Variants in DTD1 observed in about 807,000 individuals in gnomAD.
DTD1 encodes the protein D-tyrosyl-tRNA deacylase 1 homolog.
A neutral mutation model predicts 25.6 loss-of-function variants in DTD1; 13 were observed. The ratio of observed to expected loss-of-function variants is 0.51; its 90% confidence interval spans 0.33 to 0.81. The LOEUF (loss-of-function observed/expected upper bound fraction) is 0.81, where lower values mean the gene tolerates loss of function less well. Among genes scored for constraint, DTD1 ranks in the 30% least tolerant of loss-of-function variants. The probability of loss-of-function intolerance (pLI) is 0.02; values close to 1 mark genes in which losing one functional copy is unlikely to be tolerated. For synonymous variants in DTD1, 110 were observed against 103.6 expected (o/e 1.06, Z -0.37); for missense variants, 193 against 266.4 (o/e 0.72, Z 1.92).
In DTD1 at chr20:18,622,942, A is replaced by ATTTTTTTTTT. The variant is rs771564529; in HGVS notation, c.371-5182_371-5173dup. ...ACTTATTAGAAGACAATTTTATAGA[A>ATTTTTTTTTT]TTTTTTTTTTTTGTCTGAGATGGAG... On this transcript the variant is annotated intron_variant, in intron 3 of 5. Coordinates refer to ENST00000377452, the MANE Select transcript of DTD1 (RefSeq NM_080820.6). Among the ~76,000 whole-genome samples the ATTTTTTTTTT allele has an allele frequency of 2.0e-3, 263 of 129,770 alleles. 11 individuals carry two copies. The highest frequency in any genetic ancestry group is 6.8e-3 in the African/African-American group (239 of 35,062). 85.1% of individuals were successfully genotyped at this position (129,770 alleles called of 152,430 possible).
chr20:18,669,805 A>T (rs1270187982), intron 4 of DTD1, among the ~76,000 whole-genome samples: 2 of 152,070 alleles, frequency 1.3e-5, no homozygotes, highest in Non-Finnish European at 2.9e-5. Context: ...TGTCTTGCAT[A>T]CCGTGGCCTG....
At chr20:18,737,846 C>T (rs1032459812) in intron 4 of DTD1, among the ~76,000 whole-genome samples, 1 of 152,204 alleles carries the variant, frequency 6.6e-6, no homozygotes, top group Admixed American at 6.5e-5. Context: ...GGAGCTGGAC[C>T]AAGGTTAGGA....
At chr20:18,742,127 T>C (rs915700203) in intron 4 of DTD1, among the ~76,000 whole-genome samples, 4 of 152,090 alleles carry the variant, frequency 2.6e-5, no homozygotes, top group Non-Finnish European at 5.9e-5. Flanking sequence ...CCTCCTAATG[T>C]TGATGGACAT....
chr20:18,665,389 C>T (rs1412253029), intron 4 of DTD1, among the ~76,000 whole-genome samples: 1 of 152,216 alleles, frequency 6.6e-6, no homozygotes, highest in South Asian at 2.1e-4. Context: ...GGATCAGCCC[C>T]GGCTCTGGGG....
At chr20:18,650,191 T>A (rs1261272482) in intron 4 of DTD1, among the ~76,000 whole-genome samples, 1 of 152,216 alleles carries the variant, frequency 6.6e-6, no homozygotes, top group Non-Finnish European at 1.5e-5. Context: ...ACTGCACCAC[T>A]GAACTCCAGT....
At chr20:18,613,647 C>T (rs975043104) in intron 3 of DTD1, among the ~76,000 whole-genome samples, 21 of 152,212 alleles carry the variant, frequency 1.4e-4, no homozygotes, top group African/African-American at 2.4e-4. Context: ...TGTATATGAG[C>T]GATTCTCCTT....
intron 3 of DTD1, among the ~76,000 whole-genome samples, chr20:18,616,029 C>G (rs1000621340): frequency 1.3e-5 from 2 of 152,136 alleles, no homozygotes; most frequent in Non-Finnish European, 2.9e-5. Context: ...GAAGCCTGTT[C>G]TATATACTTT....
Position 18,631,701 on chromosome 20 carries a change from C to T in DTD1, c.477+3468C>T, listed in dbSNP as rs567843160. Reference sequence around the variant, plus strand: ...ATGGCTGGAGCCTTGTTTCCCAGGACGTCATTCTCTCTGGGTTTTTGTCTT... The same window carrying T: ...ATGGCTGGAGCCTTGTTTCCCAGGATGTCATTCTCTCTGGGTTTTTGTCTT... On this transcript the variant is annotated intron_variant, in intron 4 of 5. Transcript: ENST00000377452. 244 of 985,372 alleles carry T rather than the reference C, an allele frequency of 2.5e-4. No homozygotes were observed. In the African/African-American group the frequency reaches 2.9e-3, roughly 12 times the overall value. 61.0% of individuals were successfully genotyped at this position (985,372 alleles called of 1,614,324 possible).
chr20:18,713,996 C>T (rs2061170090), intron 4 of DTD1, among the ~76,000 whole-genome samples: 1 of 152,144 alleles, frequency 6.6e-6, no homozygotes, highest in Non-Finnish European at 1.5e-5. Flanking sequence ...CTCCAGCCTG[C>T]ACTCCACCGT....
chr20:18,713,195 A>T (rs1436294078), intron 4 of DTD1, among the ~76,000 whole-genome samples: 1 of 152,192 alleles, frequency 6.6e-6, no homozygotes, highest in African/African-American at 2.4e-5. Flanking sequence ...CTCCTCTGCC[A>T]ATTGTTCTTT....
At chr20:18,667,037 G>A (rs900219444) in intron 4 of DTD1, among the ~76,000 whole-genome samples, 1 of 152,150 alleles carries the variant, frequency 6.6e-6, no homozygotes, top group Non-Finnish European at 1.5e-5. Flanking sequence ...GCAGTATGAG[G>A]CACTTGTGAT....
intron 4 of DTD1, among the ~76,000 whole-genome samples, chr20:18,665,154 T>A (rs1293038541): frequency 6.6e-6 from 1 of 152,254 alleles, no homozygotes; most frequent in African/African-American, 2.4e-5. Flanking sequence ...CTCCCAATCT[T>A]TTTATCAGTA....
At chr20:18,723,658 T>A (rs1372956041) in intron 4 of DTD1, among the ~76,000 whole-genome samples, 2 of 152,234 alleles carry the variant, frequency 1.3e-5, no homozygotes, top group African/African-American at 4.8e-5. Context: ...TATAATAGTC[T>A]GTTTGAGAAT....
At chr20:18,705,612 C>A (rs917425637) in intron 4 of DTD1, among the ~76,000 whole-genome samples, 15 of 152,034 alleles carry the variant, frequency 9.9e-5, no homozygotes, top group African/African-American at 3.1e-4. Context: ...TGAGCCCTTT[C>A]ATCACATGAT....
chr20:18,724,182 C>G lies in DTD1; in HGVS notation c.478-19918C>G, dbSNP rs189042621. 2.6e-4 allele frequency among the ~76,000 whole-genome samples: 39 copies of G among 152,294 alleles called. No individual in the cohort carries two copies. The East Asian group carries it at 6.4e-3, about 25-fold the overall frequency. On this transcript the variant is annotated intron_variant, in intron 4 of 5. Transcript: ENST00000377452. ...CAGCAAGAGGAAAGCCCCATGAGCT[C>G]TGTGATGGTTTAGACTGGAGCCCGT...
intron 4 of DTD1, among the ~76,000 whole-genome samples, chr20:18,635,981 C>T (rs962999791): frequency 5.3e-5 from 8 of 152,166 alleles, no homozygotes; most frequent in Non-Finnish European, 1.0e-4. Flanking sequence ...ACACATAAGA[C>T]ATTTCTAATC....
chr20:18,660,063 C>T (rs2060903778), intron 4 of DTD1, among the ~76,000 whole-genome samples: 1 of 152,010 alleles, frequency 6.6e-6, no homozygotes, highest in South Asian at 2.1e-4. Flanking sequence ...CATGGTGAGA[C>T]CCTATCTCTA....
intron 4 of DTD1, among the ~76,000 whole-genome samples, chr20:18,715,806 T>C (rs1600387559): frequency 6.6e-6 from 1 of 152,292 alleles, no homozygotes; most frequent in East Asian, 1.9e-4. Context: ...ATTCATAGGC[T>C]TCACATTCTG....
At chr20:18,760,245 A>G (rs1416405009) in intron 5 of DTD1, among the ~76,000 whole-genome samples, 1 of 152,194 alleles carries the variant, frequency 6.6e-6, no homozygotes, top group Non-Finnish European at 1.5e-5. Flanking sequence ...CGTCAAAGTC[A>G]TTCTCTGTCC....
Sources: gnomAD v4.1 joint callset for allele counts (sites outside exome capture counted in the v4.1 genomes callset) on GRCh38, gnomAD v4.1.1 for gene constraint, MANE v1.5 for transcripts, NCBI Gene and HGNC (gene_info 2026-07-23, HGNC 2026-07-21) for gene names.